The following PCDH15 variants were observed in gnomAD, a reference collection of about 807,000 sequenced individuals.
PCDH15 encodes the protein protocadherin-15.
Under a neutral mutation model 178.5 loss-of-function variants are expected in PCDH15, and 129 were observed. That is an observed-to-expected ratio of 0.72 (90% CI 0.63 to 0.84). PCDH15 has a LOEUF of 0.84. Ranked by LOEUF, PCDH15 falls within the 40% of genes least tolerant of loss-of-function variation. The pLI is 0.00. For synonymous variants in PCDH15, 800 were observed against 732.0 expected (o/e 1.09, Z -1.50); for missense variants, 2,230 against 2,099.9 (o/e 1.06, Z -1.21).
chr10:54,566,895 G>C (rs1412573615), intron 2 of PCDH15, among the ~76,000 whole-genome samples: 2 of 152,082 alleles, frequency 1.3e-5, no homozygotes, highest in East Asian at 3.9e-4. Flanking sequence ...CTTTAGTTTT[G>C]TAAGAAACTT....
rs775260037 is a variant in PCDH15 at position 55,173,309 on chromosome 10, ATGTG to A, written c.-155-6662_-155-6659del. ...CCTTTGATTCTATATTAGAAAGATT[ATGTG>A]TGTGTGTGTGTGTGTGTGTGTGTGT... On this transcript the variant is annotated intron_variant, in intron 1 of 5. Transcript: ENST00000458638. 6.3e-4 allele frequency among the ~76,000 whole-genome samples: 84 copies of A among 133,134 alleles called. 2 individuals are homozygous for A. Among genetic ancestry groups the A allele is most frequent in the Admixed American group, 2.0e-3 (27 of 13,280 alleles). The allele number at this position is 133,134 out of a possible 152,430, so 87.3% of individuals were successfully genotyped here. A position where few individuals can be genotyped will look rare whatever the true frequency, so the allele number is the denominator to read the frequency against.
intron 2 of PCDH15, among the ~76,000 whole-genome samples, chr10:55,018,894 G>A (rs1334683031): frequency 1.3e-5 from 2 of 151,986 alleles, no homozygotes; most frequent in East Asian, 3.9e-4. Context: ...TTTCTCTAGT[G>A]TATCTTAGAA....
In PCDH15 at chr10:55,310,798, C is replaced by G. The variant is rs551700216; in HGVS notation, c.-156+8801G>C. Reference sequence around the variant, plus strand: ...TACAGGAAACCAAATACTGCATGTTCTCAATCCTAAGTGGGAGTTGAACAA... The same window carrying G: ...TACAGGAAACCAAATACTGCATGTTGTCAATCCTAAGTGGGAGTTGAACAA... On this transcript the variant is annotated intron_variant, in intron 1 of 5. Coordinates refer to the PCDH15 transcript ENST00000458638. 2.6e-5 allele frequency among the ~76,000 whole-genome samples: 4 copies of G among 152,266 alleles called. No individual in the cohort carries two copies. The South Asian group carries it at 8.3e-4, about 32-fold the overall frequency.
chr10:54,873,562 A>ATGTGTG, intron 3 of PCDH15, among the ~76,000 whole-genome samples: 1 of 143,902 alleles, frequency 6.9e-6, no homozygotes, highest in South Asian at 2.2e-4. Flanking sequence ...ACATATACGT[A>ATGTGTG]TGTGTGTGTG....
At chr10:54,734,757 C>T (rs975538231) in intron 1 of PCDH15, among the ~76,000 whole-genome samples, 7 of 151,856 alleles carry the variant, frequency 4.6e-5, no homozygotes, top group African/African-American at 7.3e-5. Context: ...ACCTACAATC[C>T]ATGTGGATGA....
At chr10:54,952,114 A>G (rs552001082) in intron 2 of PCDH15, among the ~76,000 whole-genome samples, 15 of 151,924 alleles carry the variant, frequency 9.9e-5, no homozygotes, top group South Asian at 2.1e-4. Context: ...GCCATTGTAA[A>G]ACCCATGGTC....
At chr10:54,214,358 T>C (rs1347163805) in intron 9 of PCDH15, among the ~76,000 whole-genome samples, 1 of 152,126 alleles carries the variant, frequency 6.6e-6, no homozygotes, top group African/African-American at 2.4e-5. Context: ...AATTTTTTAT[T>C]ATGAAATTTT....
intron 2 of PCDH15, among the ~76,000 whole-genome samples, chr10:55,017,948 C>A (rs915297792): frequency 4.6e-5 from 7 of 152,100 alleles, no homozygotes; most frequent in Non-Finnish European, 8.8e-5. Context: ...AATTAGCTGA[C>A]ATTTATTGTT....
chr10:55,005,045 A>G (rs2072898305), intron 2 of PCDH15, among the ~76,000 whole-genome samples: 1 of 152,012 alleles, frequency 6.6e-6, no homozygotes, highest in African/African-American at 2.4e-5. Context: ...AATGAATAAG[A>G]TAGTGTTGAA....
At chr10:54,343,262 T>C (rs1021567698) in intron 6 of PCDH15, among the ~76,000 whole-genome samples, 12 of 152,180 alleles carry the variant, frequency 7.9e-5, no homozygotes, top group African/African-American at 2.6e-4. Context: ...ATGGGGCAGT[T>C]TTCCCCCTGC....
intron 8 of PCDH15, among the ~76,000 whole-genome samples, chr10:54,282,087 T>C (rs984953820): frequency 6.6e-6 from 1 of 152,090 alleles, no homozygotes; most frequent in Non-Finnish European, 1.5e-5. Flanking sequence ...CTTCAAGAAC[T>C]CTCCTGCATT....
chr10:54,438,871 AG>A (rs2075612084), intron 3 of PCDH15, among the ~76,000 whole-genome samples: 1 of 152,134 alleles, frequency 6.6e-6, no homozygotes, highest in African/African-American at 2.4e-5. Flanking sequence ...ACTCTCACTT[AG>A]GCAGCTAATT....
At chr10:54,422,343 T>C (rs926520671) in intron 3 of PCDH15, among the ~76,000 whole-genome samples, 15 of 152,110 alleles carry the variant, frequency 9.9e-5, no homozygotes, top group African/African-American at 2.9e-4. Context: ...GCCTACCCTA[T>C]TTTGTAGTAT....
At chr10:54,655,304 C>CAG (rs1213808096) in intron 2 of PCDH15, among the ~76,000 whole-genome samples, 4 of 80,648 alleles carry the variant, frequency 5.0e-5, no homozygotes, top group Non-Finnish European at 7.6e-5. Flanking sequence ...GAGAGAGAGA[C>CAG]AGAGAGAGAG....
chr10:55,529,141 G>A (rs1312558151), intron 2 of PCDH15, among the ~76,000 whole-genome samples: 6 of 152,048 alleles, frequency 3.9e-5, no homozygotes, highest in Non-Finnish European at 8.8e-5. Context: ...TTTGTCAGAT[G>A]AGTAGATTGC....
intron 3 of PCDH15, among the ~76,000 whole-genome samples, chr10:54,396,349 C>T (rs1477886489): frequency 2.6e-5 from 4 of 152,134 alleles, no homozygotes; most frequent in Admixed American, 6.6e-5. Flanking sequence ...AAACTCACCT[C>T]CTTGGCGGCT....
At chr10:55,025,461 T>C (rs748316711) in intron 2 of PCDH15, among the ~76,000 whole-genome samples, 3 of 152,148 alleles carry the variant, frequency 2.0e-5, no homozygotes, top group Non-Finnish European at 4.4e-5. Context: ...GTCCACCTCA[T>C]CTATTTACAG....
intron 1 of PCDH15, among the ~76,000 whole-genome samples, chr10:54,744,930 TTG>T (rs575190359): frequency 7.6e-4 from 115 of 150,708 alleles, no homozygotes; most frequent in African/African-American, 2.7e-3. Context: ...TACAGACATT[TTG>T]TGTGTGTGTG....
chr10:55,461,292 T>G (rs1490171052), intron 2 of PCDH15, among the ~76,000 whole-genome samples: 1 of 152,154 alleles, frequency 6.6e-6, no homozygotes, highest in Non-Finnish European at 1.5e-5. Flanking sequence ...CCTGCACCAC[T>G]GTCTACAAAC....
Sources: allele counts gnomAD v4.1 joint callset (sites outside exome capture counted in the v4.1 genomes callset), GRCh38; gene constraint gnomAD v4.1.1; transcripts MANE v1.5; gene names NCBI Gene and HGNC (gene_info 2026-07-23, HGNC 2026-07-21).